The following RYR2 variants were observed in gnomAD, a reference collection of about 807,000 sequenced individuals.
The protein encoded by RYR2 is cardiac muscle ryanodine receptor-calcium release channel.
In RYR2, 227 loss-of-function variants were observed where a neutral mutation model predicts 601.1. The ratio of observed to expected loss-of-function variants is 0.38; its 90% confidence interval spans 0.34 to 0.42. The LOEUF (loss-of-function observed/expected upper bound fraction) is 0.42. Among genes scored for constraint, RYR2 ranks in the 10% least tolerant of loss-of-function variants. RYR2 has a pLI of 1.00. For synonymous variants in RYR2, 2,223 were observed against 2,175.1 expected (o/e 1.02, Z -0.61); for missense variants, 4,646 against 6,156.5 (o/e 0.75, Z 8.21).
intron 12 of RYR2, among the ~76,000 whole-genome samples, chr1:237,430,944 C>T (rs536307212): frequency 6.6e-6 from 1 of 152,138 alleles, no homozygotes; most frequent in Non-Finnish European, 1.5e-5. Flanking sequence ...TGGAATTTGG[C>T]AATTGTGTAA....
chr1:237,639,064 G>C lies in RYR2; in HGVS notation c.6978G>C (p.Arg2326=), dbSNP rs1446697787. ...NANVVVRLLI[R]RPECFGPALR... is the part of the protein sequence containing the mutation. ...ATGTCGTGGTGAGATTGCTCATTCGGAGGCCTGAGTGTTTTGGTCCTGCTT... is the reference window on the plus strand; with the variant it reads ...ATGTCGTGGTGAGATTGCTCATTCGCAGGCCTGAGTGTTTTGGTCCTGCTT... The change falls in exon 46 of 105, where the codon CGG becomes CGC. Residue 2326 remains arginine (R), a synonymous_variant. Coordinates refer to ENST00000366574, the MANE Select transcript of RYR2 (RefSeq NM_001035.3). The C allele has an allele frequency of 1.2e-6, 2 of 1,613,748 alleles. No individual in the cohort carries two copies.
In RYR2 at chr1:237,106,523, G is replaced by A. The variant is rs2039689; in HGVS notation, c.48+63954G>A. 0.064 allele frequency among the ~76,000 whole-genome samples: 9,742 copies of A among 152,218 alleles called. 732 individuals carry two copies. The highest frequency in any genetic ancestry group is 0.18 in the African/African-American group (7,592 of 41,514). On this transcript the variant is annotated intron_variant, in intron 1 of 104. Coordinates refer to ENST00000366574, the MANE Select transcript of RYR2 (RefSeq NM_001035.3). This position sits in a 1 kb window ranked among gnomAD's most constrained non-coding sequence, Gnocchi z 4.4. ...GTCCTGGAAAGAGTGAAGATCAAGAGTTTCATTCTGGAAATGTGGGGGTTT... is the reference window on the plus strand; with the variant it reads ...GTCCTGGAAAGAGTGAAGATCAAGAATTTCATTCTGGAAATGTGGGGGTTT...
rs16835502 is a variant in RYR2, at chr1:237,626,007, A to G, written c.6166+203A>G. Among the ~76,000 whole-genome samples, 2,524 of 152,346 alleles carry G rather than the reference A, an allele frequency of 0.017. 67 individuals carry two copies. The highest frequency in any genetic ancestry group is 0.055 in the African/African-American group (2,296 of 41,570). On this transcript the variant is annotated intron_variant, in intron 40 of 104. Transcript: ENST00000366574. ...GTATAGCAACAGACTGAGAGGTAGC[A>G]GCATGATAAAGATGGATGGTCTCCA...
intron 63 of RYR2, among the ~76,000 whole-genome samples, chr1:237,690,122 C>T (rs1020682808): frequency 6.6e-6 from 1 of 152,174 alleles, no homozygotes; most frequent in Non-Finnish European, 1.5e-5. Flanking sequence ...CAAGTGTGAG[C>T]CACCGTGCCT....
chr1:237,083,709 C>G (rs1472634695), intron 1 of RYR2, among the ~76,000 whole-genome samples: 1 of 152,066 alleles, frequency 6.6e-6, no homozygotes, highest in African/African-American at 2.4e-5. Context: ...TTCTCTGCCC[C>G]AAAATGCTAG....
At chr1:237,674,294 G>C in intron 59 of RYR2, 75 bp downstream of exon 59, 2 of 1,169,168 alleles carry the variant, frequency 1.7e-6, no homozygotes, top group Non-Finnish European at 1.2e-6. Flanking sequence ...CATATTTAAA[G>C]CTGAAAATGA....
At chr1:237,755,519 C>T (rs1692875694) in intron 80 of RYR2, among the ~76,000 whole-genome samples, 1 of 152,214 alleles carries the variant, frequency 6.6e-6, no homozygotes, top group African/African-American at 2.4e-5. Flanking sequence ...AGTTCCTTCT[C>T]AATTCTCCAG....
rs564979010 is a variant in RYR2 at position 237,441,634 on chromosome 1, T to C, written c.1170+151T>C. Among the ~76,000 whole-genome samples the C allele has an allele frequency of 3.3e-5, 5 of 152,346 alleles. No homozygotes were observed. The South Asian group carries it at 8.3e-4, about 25-fold the overall frequency. ...GCAGATTCCACTGTAATAGACTCTTTAGCTTTGTAAAGTGAACAGAGTTGG... is the reference window on the plus strand; with the variant it reads ...GCAGATTCCACTGTAATAGACTCTTCAGCTTTGTAAAGTGAACAGAGTTGG... On this transcript the variant is annotated intron_variant, in intron 13 of 104. Coordinates refer to ENST00000366574, the MANE Select transcript of RYR2 (RefSeq NM_001035.3).
intron 17 of RYR2, among the ~76,000 whole-genome samples, chr1:237,484,579 G>A (rs1388929287): frequency 6.6e-6 from 1 of 152,198 alleles, no homozygotes; most frequent in Non-Finnish European, 1.5e-5. Context: ...TTCTTGGTAG[G>A]TAAAGTCAGC....
At chr1:237,440,895 G>A (rs1196574276) in intron 12 of RYR2, among the ~76,000 whole-genome samples, 1 of 151,750 alleles carries the variant, frequency 6.6e-6, no homozygotes, top group Non-Finnish European at 1.5e-5. Flanking sequence ...AGGCTTAAAA[G>A]GTTTAATTAA....
At position 237,832,543 on chromosome 1, in the gene RYR2, C is replaced by T; in HGVS notation, c.14809-9C>T. ...GGAAAATGTTAATACATTTCCTTGA[C>T]TTTTGCAGGAATCTTATGTCTGGAA... On this transcript the variant is annotated splice_polypyrimidine_tract_variant and intron_variant, in intron 104 of 104. Coordinates refer to ENST00000366574, the MANE Select transcript of RYR2 (RefSeq NM_001035.3). 6.3e-7 allele frequency: 1 copy of T among 1,586,312 alleles called. No individual in the cohort carries two copies. The highest frequency in any genetic ancestry group is 8.6e-7 in the Non-Finnish European group (1 of 1,157,480).
Position 237,545,363 on chromosome 1 carries a change from G to A in RYR2, c.2907-3068G>A, listed in dbSNP as rs74915980. On this transcript the variant is annotated intron_variant, in intron 25 of 104. Coordinates refer to ENST00000366574, the MANE Select transcript of RYR2 (RefSeq NM_001035.3). The stretch of plus-strand genomic sequence containing the variant: ...TTCCTCATTCCATGAGATATTGCTA[G>A]AAAGTCTACCATTAAAAATTGGTTT... 7.9e-3 allele frequency among the ~76,000 whole-genome samples: 1,204 copies of A among 152,340 alleles called. 13 individuals are homozygous for A. The highest frequency in any genetic ancestry group is 0.027 in the African/African-American group (1,143 of 41,568).
chr1:237,723,346 T>C, intron 74 of RYR2, 84 bp downstream of exon 74: 2 of 1,050,748 alleles, frequency 1.9e-6, no homozygotes, highest in East Asian at 4.8e-5. Context: ...ATTTGTTAAC[T>C]ATGACCCAAG....
intron 32 of RYR2, among the ~76,000 whole-genome samples, chr1:237,592,913 C>T (rs1035617041): frequency 4.2e-5 from 6 of 142,526 alleles, no homozygotes; most frequent in African/African-American, 1.0e-4. Context: ...CCCAGCTACT[C>T]GGGAGGCTGA....
chr1:237,427,924 C>G (rs1349448158), intron 12 of RYR2, among the ~76,000 whole-genome samples: 1 of 144,436 alleles, frequency 6.9e-6, no homozygotes, highest in Non-Finnish European at 1.5e-5. Context: ...ATTCGTAAAA[C>G]AATAAAAAGT....
chr1:237,405,448 T>C (rs764200858), intron 10 of RYR2, among the ~76,000 whole-genome samples: 13 of 152,242 alleles, frequency 8.5e-5, no homozygotes, highest in Non-Finnish European at 1.5e-5. Flanking sequence ...TGTGAATTAC[T>C]GTCAAGTCTA....
chr1:237,776,753 A>T (rs1694694926), intron 87 of RYR2, among the ~76,000 whole-genome samples: 1 of 151,966 alleles, frequency 6.6e-6, no homozygotes, highest in Admixed American at 6.6e-5. Flanking sequence ...CTTCCGGGGC[A>T]CATGTAATCC....
chr1:237,102,710 G>C (rs1668250670), intron 1 of RYR2, among the ~76,000 whole-genome samples: 1 of 152,062 alleles, frequency 6.6e-6, no homozygotes, highest in Admixed American at 6.5e-5. Context: ...ACAAAAATTA[G>C]CTGGGCATGG....
intron 87 of RYR2, among the ~76,000 whole-genome samples, chr1:237,774,399 A>G (rs561281820): frequency 1.9e-4 from 29 of 152,330 alleles, no homozygotes; most frequent in Middle Eastern, 3.4e-3. Context: ...CCAGGAGCGT[A>G]ACAGTTACAG....
Sources: gnomAD v4.1 joint callset for allele counts (sites outside exome capture counted in the v4.1 genomes callset) on GRCh38, gnomAD v4.1.1 for gene constraint, Gnocchi (gnomAD v3.1) non-coding constraint, MANE v1.5 for transcripts, NCBI Gene and HGNC (gene_info 2026-07-23, HGNC 2026-07-21) for gene names.